NCALD: variants seen among roughly 807,000 people sequenced by gnomAD.
The protein encoded by NCALD is neurocalcin delta.
A neutral mutation model predicts 18.6 loss-of-function variants in NCALD; 10 were observed. That is an observed-to-expected ratio of 0.54 (90% CI 0.33 to 0.91). NCALD has a LOEUF of 0.91. NCALD is among the 40% of genes least tolerant of loss of function. The pLI is 0.03. For missense variants in NCALD, 184 were observed against 247.6 expected (o/e 0.74, Z 1.72); for synonymous variants, 88 against 87.4 (o/e 1.01, Z -0.04).
intron 2 of NCALD, among the ~76,000 whole-genome samples, chr8:101,951,443 T>C (rs935187962): frequency 2.0e-5 from 3 of 152,124 alleles, no homozygotes; most frequent in Admixed American, 1.3e-4. Context: ...GAAGAGGCCA[T>C]GCTCCACAAA....
chr8:101,902,890 C>T (rs77220690), intron 3 of NCALD, among the ~76,000 whole-genome samples: 6,393 of 152,262 alleles, frequency 0.042, 379 homozygotes, highest in African/African-American at 0.12. Flanking sequence ...ACCACCTAGA[C>T]ATTCTAATGG....
At chr8:101,885,003 C>T (rs1158488969) in intron 4 of NCALD, among the ~76,000 whole-genome samples, 1 of 151,994 alleles carries the variant, frequency 6.6e-6, no homozygotes, top group Non-Finnish European at 1.5e-5. Flanking sequence ...ATAATGGGCT[C>T]CCAGGCTAAA....
At chr8:101,921,390 T>A (rs921982635) in intron 2 of NCALD, among the ~76,000 whole-genome samples, 1 of 151,848 alleles carries the variant, frequency 6.6e-6, no homozygotes, top group Non-Finnish European at 1.5e-5. Context: ...AAAAATTAAT[T>A]ATAATAATAA....
chr8:101,825,792 G>T (rs7813132), intron 4 of NCALD, among the ~76,000 whole-genome samples: 1 of 152,100 alleles, frequency 6.6e-6, no homozygotes, highest in African/African-American at 2.4e-5. Context: ...TACCATCTCC[G>T]TCTCAAGCAC....
intron 2 of NCALD, among the ~76,000 whole-genome samples, chr8:101,922,195 GA>G (rs375285053): frequency 1.7e-3 from 248 of 144,968 alleles, no homozygotes; most frequent in African/African-American, 4.3e-3. Flanking sequence ...GATGCTTCAT[GA>G]AAAAAAAAAA....
chr8:102,093,649 T>A (rs1466859284), intron 1 of NCALD, among the ~76,000 whole-genome samples: 2 of 152,224 alleles, frequency 1.3e-5, no homozygotes, highest in African/African-American at 4.8e-5. Flanking sequence ...CATCTTGGAC[T>A]ATAAAGCTGT....
intron 4 of NCALD, among the ~76,000 whole-genome samples, chr8:101,835,589 G>A (rs1175417178): frequency 6.6e-6 from 1 of 152,246 alleles, no homozygotes; most frequent in African/African-American, 2.4e-5. Context: ...CAGGGAGAGA[G>A]CCCTGAGGAA....
At chr8:102,002,026 A>G (rs985098246) in intron 2 of NCALD, among the ~76,000 whole-genome samples, 1 of 152,192 alleles carries the variant, frequency 6.6e-6, no homozygotes, top group Admixed American at 6.5e-5. Flanking sequence ...ACACATAACA[A>G]TATTAACCTT....
At chr8:101,898,033 G>A (rs151275600) in intron 3 of NCALD, among the ~76,000 whole-genome samples, 8 of 152,278 alleles carry the variant, frequency 5.3e-5, no homozygotes, top group African/African-American at 1.7e-4. Context: ...TCTTCTCCTC[G>A]ATGCCACCAT....
intron 1 of NCALD, among the ~76,000 whole-genome samples, chr8:101,732,412 C>A (rs1816874394): frequency 6.6e-6 from 1 of 151,982 alleles, no homozygotes; most frequent in African/African-American, 2.4e-5. Flanking sequence ...ACTCAAGACC[C>A]TCCATAGACT....
intron 1 of NCALD, among the ~76,000 whole-genome samples, chr8:102,045,864 A>G (rs917444917): frequency 2.6e-5 from 4 of 152,194 alleles, no homozygotes; most frequent in African/African-American, 9.6e-5. Context: ...AAACAATGCT[A>G]TGTTGCATCG....
chr8:101,748,495 T>C (rs1810518927), intron 1 of NCALD, among the ~76,000 whole-genome samples: 1 of 152,204 alleles, frequency 6.6e-6, no homozygotes, highest in Non-Finnish European at 1.5e-5. Context: ...AGTGTGGTCC[T>C]TCGTGAATAT....
chr8:101,980,106 G>A (rs1311831628), intron 2 of NCALD, among the ~76,000 whole-genome samples: 2 of 152,086 alleles, frequency 1.3e-5, no homozygotes, highest in Non-Finnish European at 2.9e-5. Flanking sequence ...TGGCATCCCT[G>A]GAAGCCATGT....
chr8:101,700,035 TATTTA>T (rs1325699133), intron 2 of NCALD, among the ~76,000 whole-genome samples: 1 of 151,458 alleles, frequency 6.6e-6, no homozygotes, highest in Non-Finnish European at 1.5e-5. Flanking sequence ...TATTTTTATT[TATTTA>T]TTTATTTATT....
intron 2 of NCALD, among the ~76,000 whole-genome samples, chr8:101,955,422 G>T (rs1200902592): frequency 6.6e-6 from 1 of 152,108 alleles, no homozygotes; most frequent in Non-Finnish European, 1.5e-5. Flanking sequence ...CCAAGGACAT[G>T]ACTCTTCTGA....
intron 3 of NCALD, among the ~76,000 whole-genome samples, chr8:101,894,160 A>G (rs369466872): frequency 4.4e-5 from 6 of 137,328 alleles, no homozygotes; most frequent in Admixed American, 2.9e-4. Context: ...ATAACAAACT[A>G]TCTCTCAGAC....
chr8:101,841,882 T>C (rs184590662), intron 4 of NCALD, among the ~76,000 whole-genome samples: 11 of 152,140 alleles, frequency 7.2e-5, no homozygotes, highest in African/African-American at 2.7e-4. Flanking sequence ...GAGATATATA[T>C]ATATCCACAC....
At chr8:102,043,591 A>C (rs888112758) in intron 1 of NCALD, among the ~76,000 whole-genome samples, 8 of 151,732 alleles carry the variant, frequency 5.3e-5, no homozygotes, top group African/African-American at 1.9e-4. Flanking sequence ...GAAGTATAAA[A>C]GGTAAAATGT....
intron 2 of NCALD, among the ~76,000 whole-genome samples, chr8:101,994,291 C>T (rs974367639): frequency 1.3e-5 from 2 of 152,112 alleles, no homozygotes; most frequent in Non-Finnish European, 2.9e-5. Flanking sequence ...AATCTGGTTC[C>T]AACACTATTA....
Sources: allele counts gnomAD v4.1 joint callset (sites outside exome capture counted in the v4.1 genomes callset), GRCh38; gene constraint gnomAD v4.1.1; transcripts MANE v1.5; gene names NCBI Gene and HGNC (gene_info 2026-07-23, HGNC 2026-07-21).